Variants in CACNA1D observed in about 807,000 individuals in gnomAD.
CACNA1D encodes calcium voltage-gated channel subunit alpha1 D.
In CACNA1D, 55 loss-of-function variants were observed where a neutral mutation model predicts 257.1. The ratio of observed to expected loss-of-function variants is 0.21; its 90% confidence interval spans 0.17 to 0.27. CACNA1D has a LOEUF of 0.27. Among genes scored for constraint, CACNA1D ranks in the 10% least tolerant of loss-of-function variants. CACNA1D has a pLI of 1.00. For missense variants in CACNA1D, 1,876 were observed against 2,784.0 expected (o/e 0.67, Z 7.34); for synonymous variants, 980 against 1,014.9 (o/e 0.97, Z 0.65).
Position 53,800,884 on chromosome 3 carries a change from C to A in CACNA1D, c.5041-174C>A, listed in dbSNP as rs1576712416. On this transcript the variant is annotated intron_variant, in intron 41 of 47. Coordinates refer to ENST00000350061, the MANE Select transcript of CACNA1D (RefSeq NM_001128840.3). The surrounding 1 kb of genome is among the most constrained non-coding windows in gnomAD (Gnocchi z 4.3). ...GGTAACCTTCCTCATCTCGGGGGGA[C>A]CAACTGCCACACAGTCACATTCACC... The A allele has an allele frequency of 6.0e-6, 4 of 671,214 alleles. No homozygotes were observed. The East Asian group carries it at 1.1e-4, about 18-fold the overall frequency. The allele number at this position is 671,214 out of a possible 1,614,324, so 41.6% of individuals were successfully genotyped here. A position where few individuals can be genotyped will look rare whatever the true frequency, so the allele number is the denominator to read the frequency against.
intron 29 of CACNA1D, among the ~76,000 whole-genome samples, chr3:53,754,546 GC>G (rs1197848005): frequency 6.6e-6 from 1 of 152,174 alleles, no homozygotes; most frequent in Non-Finnish European, 1.5e-5. Context: ...AGAGTGCCTG[GC>G]ATGTAGCGCC....
chr3:53,632,122 G>A (rs1360599309), intron 3 of CACNA1D, among the ~76,000 whole-genome samples: 1 of 152,188 alleles, frequency 6.6e-6, no homozygotes, highest in East Asian at 1.9e-4. Context: ...TCGTCGATGG[G>A]ATCTCCTTAC....
chr3:53,633,012 G>A lies in CACNA1D; in HGVS notation c.484-17767G>A, dbSNP rs184212257. ...CTGGAAAAATGGTACCAATAGACCC[G>A]CTTGTTGCAGCATTGCCACGGATGT... On this transcript the variant is annotated intron_variant, in intron 3 of 47. Coordinates refer to ENST00000350061, the MANE Select transcript of CACNA1D (RefSeq NM_001128840.3). Among the ~76,000 whole-genome samples the A allele has an allele frequency of 1.2e-4, 19 of 152,292 alleles. No homozygotes were observed. The East Asian group carries it at 1.5e-3, about 12-fold the overall frequency.
intron 20 of CACNA1D, among the ~76,000 whole-genome samples, 190 bp downstream of exon 20, chr3:53,735,693 T>C (rs2095050644): frequency 6.6e-6 from 1 of 152,222 alleles, no homozygotes; most frequent in Non-Finnish European, 1.5e-5. Context: ...TAAATCTGAA[T>C]GGAATCATTA....
chr3:53,620,891 C>CT (rs2093689749), intron 3 of CACNA1D, among the ~76,000 whole-genome samples: 1 of 152,174 alleles, frequency 6.6e-6, no homozygotes, highest in African/African-American at 2.4e-5. Flanking sequence ...GAGGAAGGAG[C>CT]GTGCAGGCAC....
At chr3:53,600,450 TATA>T (rs1303484336) in intron 3 of CACNA1D, among the ~76,000 whole-genome samples, 1 of 152,160 alleles carries the variant, frequency 6.6e-6, no homozygotes, top group Non-Finnish European at 1.5e-5. Flanking sequence ...TTTCAGAGTG[TATA>T]ATATCTCTTG....
rs73094015 is a variant in CACNA1D, at chr3:53,793,415, C to T, written c.4923+6463C>T. On this transcript the variant is annotated intron_variant, in intron 40 of 47. Transcript: ENST00000350061. The surrounding 1 kb of genome is among the most constrained non-coding windows in gnomAD (Gnocchi z 4.1). Reference sequence around the variant, plus strand: ...GTTGATTCAGTGCTGAAGGATGGCACGTGCCTACCCCCTGTATGTGTCACT... The same window carrying T: ...GTTGATTCAGTGCTGAAGGATGGCATGTGCCTACCCCCTGTATGTGTCACT... Among the ~76,000 whole-genome samples, 9,845 of 152,288 alleles carry T rather than the reference C, an allele frequency of 0.065. 427 individuals carry two copies. The highest frequency in any genetic ancestry group is 0.094 in the Non-Finnish European group (6,406 of 68,022).
rs567283157 is a variant in CACNA1D, at chr3:53,570,053, G to GA, written c.483+68342dup. On this transcript the variant is annotated intron_variant, in intron 3 of 47. Transcript: ENST00000350061. ...ATTGCTTGCAATTCAAAACTTTTTGGAAAAAAAAATGTAATTATTCCTTTT... is the reference window on the plus strand; with the variant it reads ...ATTGCTTGCAATTCAAAACTTTTTGGAAAAAAAAAATGTAATTATTCCTTTT... 4.8e-3 allele frequency among the ~76,000 whole-genome samples: 717 copies of GA among 150,606 alleles called. 3 individuals carry two copies. Among genetic ancestry groups the GA allele is most frequent in the African/African-American group, 0.017 (684 of 41,140 alleles).
At chr3:53,795,698 CTT>C (rs2095504645) in intron 40 of CACNA1D, among the ~76,000 whole-genome samples, 2 of 152,300 alleles carry the variant, frequency 1.3e-5, no homozygotes, top group Admixed American at 1.3e-4. Context: ...ACTGGCAAGA[CTT>C]TTTTTGATTC....
At chr3:53,721,307 A>G (rs533532876) in intron 11 of CACNA1D, among the ~76,000 whole-genome samples, 1 of 152,180 alleles carries the variant, frequency 6.6e-6, no homozygotes, top group Non-Finnish European at 1.5e-5. Flanking sequence ...TTGCCTAGCA[A>G]CACAGCTGAG....
Position 53,497,394 on chromosome 3 carries a change from C to G in CACNA1D, c.310C>G (p.Arg104Gly). Residue 104 changes from arginine to glycine, a missense_variant, in exon 2 of 48, where the codon CGC becomes GGC. By Grantham distance (125) the Arg-to-Gly change is moderately radical. This residue lies in a region of CACNA1D where 143 missense variants were observed against 168.7 expected (regional missense o/e 0.85). Coordinates refer to ENST00000350061, the MANE Select transcript of CACNA1D (RefSeq NM_001128840.3). ...TAACTCGTCCAACAGCCGACCTGCC[C>G]GCGCCCTTTTCTGTTTATCACTCAA... ...QGNSSNSRPA[R>G]ALFCLSLNNP... The G allele has an allele frequency of 6.2e-7, 1 of 1,614,164 alleles. No individual in the cohort carries two copies. The highest frequency in any genetic ancestry group is 8.5e-7 in the Non-Finnish European group (1 of 1,180,034).
At chr3:53,690,718 G>T (rs1206551761) in intron 8 of CACNA1D, among the ~76,000 whole-genome samples, 1 of 152,192 alleles carries the variant, frequency 6.6e-6, no homozygotes. Context: ...CCAGTAGGGG[G>T]TTCAATTTCA....
Position 53,508,150 on chromosome 3 carries a change from AATTTT to A in CACNA1D, c.483+6442_483+6446del, listed in dbSNP as rs571994455. Among the ~76,000 whole-genome samples, 11 of 151,726 alleles carry A rather than the reference AATTTT, an allele frequency of 7.2e-5. No homozygotes were observed. In the South Asian group the frequency reaches 2.1e-3, roughly 29 times the overall value. ...GACGTGCATTTCTTTCTTTTTTTCA[AATTTT>A]ATTTTATTTTAAGTTCCGGGATACA... On this transcript the variant is annotated intron_variant, in intron 3 of 47. Transcript: ENST00000350061.
At chr3:53,665,951 C>A in intron 6 of CACNA1D, 139 bp downstream of exon 6, 1 of 686,208 alleles carries the variant, frequency 1.5e-6, no homozygotes, top group Non-Finnish European at 2.5e-6. Flanking sequence ...TGAGCCAGTT[C>A]TCAGTGTGAG....
chr3:53,616,905 C>G (rs989661624), intron 3 of CACNA1D, among the ~76,000 whole-genome samples: 1 of 151,910 alleles, frequency 6.6e-6, no homozygotes, highest in African/African-American at 2.4e-5. Flanking sequence ...TGGTATGTCT[C>G]CCTGGTGGGT....
At chr3:53,798,308 CGTGTGTGTGT>C (rs10581353) in intron 40 of CACNA1D, among the ~76,000 whole-genome samples, 7 of 148,668 alleles carry the variant, frequency 4.7e-5, no homozygotes, top group African/African-American at 1.5e-4. Context: ...TGTATGTGTG[CGTGTGTGTGT>C]GTGTGTGTGC....
At chr3:53,554,137 A>C (rs2092594043) in intron 3 of CACNA1D, among the ~76,000 whole-genome samples, 1 of 151,710 alleles carries the variant, frequency 6.6e-6, no homozygotes, top group South Asian at 2.1e-4. Flanking sequence ...CGGAGCTTGC[A>C]GTGAGCCAAG....
intron 28 of CACNA1D, among the ~76,000 whole-genome samples, chr3:53,752,896 C>T (rs1204716156): frequency 6.6e-6 from 1 of 152,156 alleles, no homozygotes; most frequent in Non-Finnish European, 1.5e-5. Flanking sequence ...GTTTAATTGG[C>T]CAAGTCAGAT....
intron 3 of CACNA1D, among the ~76,000 whole-genome samples, chr3:53,582,720 C>T (rs1447035922): frequency 6.6e-6 from 1 of 152,136 alleles, no homozygotes; most frequent in Non-Finnish European, 1.5e-5. Flanking sequence ...CCCAAGCCCC[C>T]CACTGCCTTT....
Sources: gnomAD v4.1 joint callset for allele counts (sites outside exome capture counted in the v4.1 genomes callset) on GRCh38, gnomAD v4.1.1 for gene constraint, gnomAD v4.1.1 regional missense constraint, Gnocchi (gnomAD v3.1) non-coding constraint, MANE v1.5 for transcripts, NCBI Gene and HGNC (gene_info 2026-07-23, HGNC 2026-07-21) for gene names.